The following SPAG16 variants were observed in gnomAD, a reference collection of about 807,000 sequenced individuals.
SPAG16 encodes sperm associated antigen 16.
Under a neutral mutation model 80.4 loss-of-function variants are expected in SPAG16, and 86 were observed. The observed-to-expected ratio is 1.07, with a 90% CI of 0.90 to 1.28. The LOEUF (loss-of-function observed/expected upper bound fraction) is 1.28, where lower values mean the gene tolerates loss of function less well. Among genes scored for constraint, SPAG16 ranks in the 50% most tolerant of loss-of-function variants. The probability of loss-of-function intolerance (pLI) is 0.00; values close to 1 mark genes in which losing one functional copy is unlikely to be tolerated. For missense variants in SPAG16, 870 were observed against 765.3 expected (o/e 1.14, Z -1.61); for synonymous variants, 294 against 265.9 (o/e 1.11, Z -1.03).
At chr2:213,872,918 T>C (rs1188813068) in intron 11 of SPAG16, among the ~76,000 whole-genome samples, 2 of 152,072 alleles carry the variant, frequency 1.3e-5, no homozygotes, top group African/African-American at 2.4e-5. Flanking sequence ...CTTGCATTCC[T>C]GAAATAAATG....
chr2:213,836,948 T>TTCTCTCTC (rs3045010), intron 10 of SPAG16, among the ~76,000 whole-genome samples: 272 of 150,768 alleles, frequency 1.8e-3, no homozygotes, highest in Non-Finnish European at 3.2e-3. Context: ...CAACAGTGCC[T>TTCTCTCTC]TCTCTCTCTC....
intron 15 of SPAG16, among the ~76,000 whole-genome samples, chr2:214,409,351 A>G (rs1702172507): frequency 6.6e-6 from 1 of 152,032 alleles, no homozygotes; most frequent in Non-Finnish European, 1.5e-5. Context: ...AACATATCCT[A>G]TTGTTTTACT....
intron 9 of SPAG16, among the ~76,000 whole-genome samples, chr2:213,458,871 G>A (rs745519342): frequency 1.5e-4 from 23 of 151,964 alleles, no homozygotes; most frequent in African/African-American, 3.6e-4. Context: ...CAGTAATTAC[G>A]TTTTAATATA....
At chr2:213,476,754 TTC>T (rs1196812949) in intron 9 of SPAG16, among the ~76,000 whole-genome samples, 3 of 152,210 alleles carry the variant, frequency 2.0e-5, no homozygotes, top group Non-Finnish European at 2.9e-5. Flanking sequence ...CAGTGGCATT[TTC>T]TCTCTCTTAG....
intron 12 of SPAG16, among the ~76,000 whole-genome samples, chr2:214,004,567 G>T (rs2046941839): frequency 6.6e-6 from 1 of 152,078 alleles, no homozygotes; most frequent in South Asian, 2.1e-4. Context: ...AGGTGTCGGG[G>T]CTTATCATCA....
chr2:213,954,788 A>G (rs988736968), intron 12 of SPAG16, among the ~76,000 whole-genome samples: 1 of 152,158 alleles, frequency 6.6e-6, no homozygotes, highest in Admixed American at 6.5e-5. Context: ...AGAAATTCCC[A>G]ATTCTCCACA....
chr2:213,873,841 A>G (rs2076041293), intron 11 of SPAG16, among the ~76,000 whole-genome samples: 1 of 152,068 alleles, frequency 6.6e-6, no homozygotes, highest in South Asian at 2.1e-4. Context: ...AGGCAATTTC[A>G]TCACTATGCA....
intron 9 of SPAG16, among the ~76,000 whole-genome samples, chr2:213,426,533 A>G (rs1049674161): frequency 2.0e-5 from 3 of 152,028 alleles, no homozygotes; most frequent in Admixed American, 1.3e-4. Flanking sequence ...TAGATTTTAG[A>G]AAATCTACAA....
At chr2:214,342,121 G>C (rs1355258835) in intron 15 of SPAG16, among the ~76,000 whole-genome samples, 2 of 152,098 alleles carry the variant, frequency 1.3e-5, no homozygotes, top group African/African-American at 4.8e-5. Context: ...TGATTTTAAG[G>C]AACGATTTTA....
chr2:214,233,341 AATAATGATG>A (rs1391001095), intron 15 of SPAG16, among the ~76,000 whole-genome samples: 62 of 81,794 alleles, frequency 7.6e-4, no homozygotes, highest in Non-Finnish European at 9.2e-4. Context: ...AAAAATAGAT[AATAATGATG>A]ATGATGATGA....
intron 15 of SPAG16, among the ~76,000 whole-genome samples, chr2:214,220,385 G>A (rs1559137153): frequency 6.6e-6 from 1 of 152,176 alleles, no homozygotes; most frequent in East Asian, 1.9e-4. Flanking sequence ...AGATTACCAA[G>A]GTACTGTCTG....
chr2:213,660,429 A>G (rs1266661754), intron 10 of SPAG16, among the ~76,000 whole-genome samples: 1 of 152,002 alleles, frequency 6.6e-6, no homozygotes, highest in African/African-American at 2.4e-5. Context: ...TGTGTGTATG[A>G]TGTAGGTGTT....
intron 12 of SPAG16, among the ~76,000 whole-genome samples, chr2:213,946,628 A>C (rs1429156404): frequency 6.6e-6 from 1 of 152,194 alleles, no homozygotes; most frequent in Admixed American, 6.5e-5. Flanking sequence ...CCTATTGTCA[A>C]AATTAGGAAA....
At chr2:213,623,140 G>A (rs1417497815) in intron 10 of SPAG16, among the ~76,000 whole-genome samples, 2 of 152,142 alleles carry the variant, frequency 1.3e-5, no homozygotes, top group African/African-American at 2.4e-5. Context: ...CATGGAGGTT[G>A]CCATGTAAAG....
At chr2:214,268,106 A>C (rs1293940883) in intron 15 of SPAG16, among the ~76,000 whole-genome samples, 3 of 151,168 alleles carry the variant, frequency 2.0e-5, no homozygotes, top group African/African-American at 7.3e-5. Context: ...GAGAAATGTA[A>C]ATTAAAACCA....
At chr2:213,697,724 C>T (rs2065219585) in intron 10 of SPAG16, among the ~76,000 whole-genome samples, 1 of 152,172 alleles carries the variant, frequency 6.6e-6, no homozygotes, top group Non-Finnish European at 1.5e-5. Context: ...GAAATTAATA[C>T]AGTCCACTAC....
rs75989227 is a variant in SPAG16 at position 213,816,260 on chromosome 2, T to C, written c.1071-46225T>C. Among the ~76,000 whole-genome samples, 1,373 of 152,276 alleles carry C rather than the reference T, an allele frequency of 9.0e-3. 25 individuals are homozygous for C. The highest frequency in any genetic ancestry group is 0.03 in the African/African-American group (1,245 of 41,576). On this transcript the variant is annotated intron_variant, in intron 10 of 15. Transcript: ENST00000331683. ...ACATGCCGTTGTAGTTTGGTCACTG[T>C]CTTGGCTGTATAAGAATGCTTTTAT...
chr2:214,141,466 C>A (rs77121096), intron 14 of SPAG16, among the ~76,000 whole-genome samples: 77 of 136,766 alleles, frequency 5.6e-4, no homozygotes, highest in Admixed American at 9.6e-4. Context: ...GACTCGGCCT[C>A]AAAAAAAAAA....
chr2:213,655,739 C>G (rs931016326), intron 10 of SPAG16, among the ~76,000 whole-genome samples: 1 of 152,244 alleles, frequency 6.6e-6, no homozygotes, highest in Admixed American at 6.5e-5. Flanking sequence ...TGATCAAATC[C>G]TATCATCTGC....
Sources: gnomAD v4.1 joint callset for allele counts (sites outside exome capture counted in the v4.1 genomes callset) on GRCh38, gnomAD v4.1.1 for gene constraint, MANE v1.5 for transcripts, NCBI Gene and HGNC (gene_info 2026-07-23, HGNC 2026-07-21) for gene names.